EIF3H: variants seen among roughly 807,000 people sequenced by gnomAD.
EIF3H encodes the protein eukaryotic translation initiation factor 3 subunit H.
EIF3H carries 26 observed loss-of-function variants against 44.2 expected under a neutral mutation model. That is an observed-to-expected ratio of 0.59 (90% CI 0.43 to 0.82). The LOEUF (loss-of-function observed/expected upper bound fraction) is 0.82, where lower values mean the gene tolerates loss of function less well. EIF3H is among the 40% of genes least tolerant of loss of function. EIF3H has a pLI of 0.00. For missense variants in EIF3H, 359 were observed against 432.8 expected, an observed-to-expected ratio of 0.83 and a Z score of 1.51; for synonymous variants, 166 against 151.9, an observed-to-expected ratio of 1.09 and a Z score of -0.68.
In EIF3H at chr8:116,657,261, G is replaced by A. The variant is rs940580836; in HGVS notation, c.511C>T (p.Pro171Ser). 1.9e-6 allele frequency: 3 copies of A among 1,613,674 alleles called. No homozygotes were observed. In the African/African-American group the frequency reaches 4.0e-5, roughly 22 times the overall value. Residue 171 changes from proline to serine, a missense_variant, in exon 4 of 8, where the codon CCT (proline) becomes TCT (serine). This residue lies in a region of EIF3H where 85 missense variants were observed against 79.2 expected (regional missense o/e 1.07). Coordinates refer to ENST00000521861, the MANE Select transcript of EIF3H (RefSeq NM_003756.3). The stretch of plus-strand genomic sequence containing the variant: ...TCTTTACAAACTTCCATCAGTTTAG[G>A]AGTCAGTCTGTATGCCTTTAGTGAG... ...SLSLKAYRLTPKLMEVCKEKD... is the reference protein window; with the variant it reads ...SLSLKAYRLTSKLMEVCKEKD...
chr8:116,653,397 G>A (rs901977516), intron 5 of EIF3H, among the ~76,000 whole-genome samples: 6 of 112,108 alleles, frequency 5.4e-5, no homozygotes, highest in African/African-American at 2.4e-4. Context: ...GCCTTAAAAG[G>A]GCATCAGAAA....
At chr8:116,696,499 CTATT>C (rs997409329) in intron 2 of EIF3H, among the ~76,000 whole-genome samples, 2 of 152,158 alleles carry the variant, frequency 1.3e-5, no homozygotes, top group Non-Finnish European at 2.9e-5. Flanking sequence ...TTTCCTGAGA[CTATT>C]TAAAGTTTAC....
chr8:116,688,264 T>A (rs1814113261), intron 2 of EIF3H, among the ~76,000 whole-genome samples: 1 of 152,118 alleles, frequency 6.6e-6, no homozygotes, highest in Non-Finnish European at 1.5e-5. Flanking sequence ...AGACCTTAGA[T>A]AAGGGCTGTG....
intron 1 of EIF3H, among the ~76,000 whole-genome samples, chr8:116,741,345 A>C (rs997598943): frequency 6.6e-5 from 10 of 152,218 alleles, no homozygotes; most frequent in African/African-American, 2.4e-4. Context: ...CGCATCAATC[A>C]GCTGGACATA....
chr8:116,702,935 T>A (rs1814403894), intron 2 of EIF3H, among the ~76,000 whole-genome samples: 1 of 152,100 alleles, frequency 6.6e-6, no homozygotes, highest in Admixed American at 6.5e-5. Flanking sequence ...CCTCAGATCA[T>A]CAGGCATTAG....
At chr8:116,655,258 A>C (rs1476664480) in intron 5 of EIF3H, among the ~76,000 whole-genome samples, 3 of 151,392 alleles carry the variant, frequency 2.0e-5, no homozygotes, top group Non-Finnish European at 4.4e-5. Context: ...GCATTTTACA[A>C]ATATAATAAA....
chr8:116,713,347 G>A (rs557248291), intron 2 of EIF3H, among the ~76,000 whole-genome samples: 4 of 152,146 alleles, frequency 2.6e-5, no homozygotes, highest in East Asian at 3.9e-4. Flanking sequence ...AGAGTATAGC[G>A]TAAAGCACTT....
At chr8:116,688,927 C>A (rs759576833) in intron 2 of EIF3H, 5 of 278,680 alleles carry the variant, frequency 1.8e-5, no homozygotes, top group South Asian at 1.2e-4. Context: ...GTAGAGTTAC[C>A]ATATGACCCA....
chr8:116,675,845 A>G (rs1018065933), intron 2 of EIF3H, among the ~76,000 whole-genome samples: 1 of 152,230 alleles, frequency 6.6e-6, no homozygotes, highest in African/African-American at 2.4e-5. Flanking sequence ...GTACATATAC[A>G]ACCTTTAAAA....
chr8:116,651,714 C>A (rs982276434), intron 5 of EIF3H, among the ~76,000 whole-genome samples: 5 of 152,164 alleles, frequency 3.3e-5, no homozygotes, highest in African/African-American at 1.2e-4. Context: ...AATGTATTTG[C>A]TTCTGTTTTA....
exon 1 of EIF3H, chr8:116,765,866 G>A (rs1057185583): frequency 2.6e-5 from 4 of 152,324 alleles, no homozygotes; most frequent in Middle Eastern, 3.4e-3. Context: ...CACTCCATGC[G>A]AGTGATTTAG....
chr8:116,712,440 G>GTAA (rs1425336724), intron 2 of EIF3H, among the ~76,000 whole-genome samples: 1 of 152,140 alleles, frequency 6.6e-6, no homozygotes, highest in East Asian at 1.9e-4. Context: ...GTATATAAGG[G>GTAA]TAAGGAAAGA....
intron 1 of EIF3H, among the ~76,000 whole-genome samples, chr8:116,750,625 G>A (rs1040290180): frequency 1.3e-5 from 2 of 151,696 alleles, no homozygotes; most frequent in East Asian, 2.0e-4. Flanking sequence ...TAGCCAGGAC[G>A]GTCTTGATCT....
chr8:116,682,790 C>G lies in EIF3H; in HGVS notation c.290-23810G>C, dbSNP rs186922278. ...CCAATTGCCTGTTACTTCTATTCAA[C>G]AACCTAATCAAGAGAATATATAAAA... is the stretch of plus-strand genomic sequence containing the variant. On this transcript the variant is annotated intron_variant, in intron 2 of 7. Coordinates refer to ENST00000521861, the MANE Select transcript of EIF3H (RefSeq NM_003756.3). Among the ~76,000 whole-genome samples, 58 of 152,238 alleles carry G rather than the reference C, an allele frequency of 3.8e-4. 1 individual carries two copies. Among genetic ancestry groups the G allele is most frequent in the African/African-American group, 1.3e-3 (56 of 41,538 alleles).
chr8:116,654,094 A>G (rs932082327), intron 5 of EIF3H, among the ~76,000 whole-genome samples: 4 of 152,230 alleles, frequency 2.6e-5, no homozygotes, highest in Admixed American at 6.5e-5. Flanking sequence ...ATTTGGTTCA[A>G]TGTAAGTGTC....
intron 2 of EIF3H, among the ~76,000 whole-genome samples, chr8:116,682,757 C>T (rs1285175687): frequency 1.3e-5 from 2 of 152,138 alleles, no homozygotes; most frequent in African/African-American, 4.8e-5. Flanking sequence ...GGGTAAAAGT[C>T]TTACTTTCCA....
Position 116,755,782 on chromosome 8 carries a change from C to T in EIF3H, c.16G>A (p.Glu6Lys). 1 of 1,613,830 alleles carries T rather than the reference C, an allele frequency of 6.2e-7. No individual in the cohort carries two copies. Among genetic ancestry groups the T allele is most frequent in the Non-Finnish European group, 8.5e-7 (1 of 1,180,022 alleles). MASRKEGTGSTATSSS... is the reference protein window; with the variant it reads MASRKKGTGSTATSSS... ...GAGGTGGCAGTAGAGCCGGTACCTTCCTTGCGGGACGCCATCTTTCCAAGC... is the reference window on the plus strand; with the variant it reads ...GAGGTGGCAGTAGAGCCGGTACCTTTCTTGCGGGACGCCATCTTTCCAAGC... The change falls in exon 1 of 8, where the codon GAA becomes AAA. Residue 6 changes from glutamate to lysine, a missense_variant. By Grantham distance (56) the Glu-to-Lys change is moderately conservative. Around this residue, in one of 5 missense-constraint regions of EIF3H, gnomAD observed 59 missense variants for 33.5 expected, o/e 1.76. Coordinates refer to ENST00000521861, the MANE Select transcript of EIF3H (RefSeq NM_003756.3).
At position 116,652,377 on chromosome 8, in the gene EIF3H, G is replaced by A. The variant is rs550666618; in HGVS notation, c.708-3451C>T. ...GAAACAGTGACATCAAAATTCTATCGAGAAGTTTGATTATGAAACAAATAG... is the reference window on the plus strand; with the variant it reads ...GAAACAGTGACATCAAAATTCTATCAAGAAGTTTGATTATGAAACAAATAG... On this transcript the variant is annotated intron_variant, in intron 5 of 7. Transcript: ENST00000521861. Among the ~76,000 whole-genome samples the A allele has an allele frequency of 7.9e-5, 12 of 152,260 alleles. No homozygotes were observed. The South Asian group carries it at 1.0e-3, about 13-fold the overall frequency.
chr8:116,669,327 A>C (rs1276499528), intron 2 of EIF3H, among the ~76,000 whole-genome samples: 2 of 152,190 alleles, frequency 1.3e-5, no homozygotes, highest in Non-Finnish European at 2.9e-5. Context: ...GTACCATATA[A>C]GTTTCTATCT....
Sources: allele counts gnomAD v4.1 joint callset (sites outside exome capture counted in the v4.1 genomes callset), GRCh38; gene constraint gnomAD v4.1.1; regional missense constraint gnomAD v4.1.1; transcripts MANE v1.5; gene names NCBI Gene and HGNC (gene_info 2026-07-23, HGNC 2026-07-21).